Variants in ZNF335 observed in about 807,000 individuals in gnomAD.
The protein encoded by ZNF335 is NRC-interacting factor 1.
Under a neutral mutation model 145.6 loss-of-function variants are expected in ZNF335, and 84 were observed. The ratio of observed to expected loss-of-function variants is 0.58; its 90% CI spans 0.48 to 0.69. ZNF335 has a LOEUF of 0.69. Ranked by LOEUF, ZNF335 falls within the 30% of genes least tolerant of loss-of-function variation. ZNF335 has a pLI of 0.00. For synonymous variants in ZNF335, 761 were observed against 717.0 expected (o/e 1.06, Z -0.98); for missense variants, 1,865 against 1,809.7 (o/e 1.03, Z -0.55).
chr20:45,966,906 C>G (rs2145412474), intron 6 of ZNF335: 1 of 152,826 alleles, frequency 6.5e-6, no homozygotes, highest in African/African-American at 2.4e-5. Context: ...GCTCTGTTGC[C>G]CAGGCTGGAG....
chr20:45,962,249 G>A lies in ZNF335; in HGVS notation c.1534-67C>T, dbSNP rs2083857130. 6 of 1,269,944 alleles carry A rather than the reference G, an allele frequency of 4.7e-6. No individual in the cohort carries two copies. The South Asian group carries it at 7.3e-5, about 15-fold the overall frequency. The allele number at this position is 1,269,944 out of a possible 1,614,324, so 78.7% of individuals were successfully genotyped here. On this transcript the variant is annotated intron_variant, in intron 9 of 27. Coordinates refer to ENST00000322927, the MANE Select transcript of ZNF335 (RefSeq NM_022095.4). ...CCTCTCCCATCCCCGTCCCCACCAT[G>A]CCTGTGGCCACAGTCTTAGGGTTGC... is the stretch of plus-strand genomic sequence containing the variant.
In ZNF335 at chr20:45,952,397, G is replaced by A. The variant is rs199896870; in HGVS notation, c.2939C>T (p.Thr980Ile). 1.3e-6 allele frequency: 2 copies of A among 1,592,322 alleles called. No individual in the cohort carries two copies. The highest frequency in any genetic ancestry group is 1.3e-5 in the African/African-American group (1 of 74,660). Reference sequence around the variant, plus strand: ...GCTCTGGGAGTCCCCTACGCAGTGGGTCTTGGCTGGAGATGGGGGCTCAGG... The same window carrying A: ...GCTCTGGGAGTCCCCTACGCAGTGGATCTTGGCTGGAGATGGGGGCTCAGG... ...DGPEPPSPAK[T>I]HCVGDSQSSA... is the part of the protein sequence containing the mutation. The change falls in exon 20 of 28, where the codon ACC becomes ATC. Residue 980 changes from threonine to isoleucine, a missense_variant. Coordinates refer to ENST00000322927, the MANE Select transcript of ZNF335 (RefSeq NM_022095.4).
intron 20 of ZNF335, 138 bp from the exon 21 acceptor site, chr20:45,950,733 G>T: frequency 8.2e-7 from 1 of 1,220,310 alleles, no homozygotes; most frequent in Non-Finnish European, 1.1e-6. Flanking sequence ...CTAACAAGAA[G>T]CTGGGTAGAA....
In ZNF335 at chr20:45,962,065, C is replaced by T. The variant is rs149232277; in HGVS notation, c.1646+5G>A. 5 of 1,610,932 alleles carry T rather than the reference C, an allele frequency of 3.1e-6. No individual in the cohort carries two copies. The East Asian group carries it at 6.7e-5, about 22-fold the overall frequency. ...TGCCCAGGTCCCTCCCACCCCCACA[C>T]TGACCGGTCCCGGCTGTGCACAGCG... On this transcript the variant is annotated splice_donor_5th_base_variant and intron_variant, in intron 10 of 27. Coordinates refer to ENST00000322927, the MANE Select transcript of ZNF335 (RefSeq NM_022095.4).
At position 45,958,049 on chromosome 20, in the gene ZNF335, ACTTTT is replaced by A. The variant is rs557254722; in HGVS notation, c.2254-126_2254-122del. On this transcript the variant is annotated intron_variant, in intron 15 of 27. Coordinates refer to ENST00000322927, the MANE Select transcript of ZNF335 (RefSeq NM_022095.4). The stretch of plus-strand genomic sequence containing the variant: ...GTTGGCTTGTTTCATCTTCATAACC[ACTTTT>A]CTTTTTTTTTTTTTGAGATGGAGTC... The A allele has an allele frequency of 1.3e-3, 937 of 732,482 alleles. 1 individual carries two copies. The highest frequency in any genetic ancestry group is 1.8e-3 in the Non-Finnish European group (789 of 447,160). The allele number at this position is 732,482 out of a possible 1,614,324, so 45.4% of individuals were successfully genotyped here.
intron 15 of ZNF335, 47 bp downstream of exon 15, chr20:45,959,154 G>A: frequency 2.3e-6 from 3 of 1,304,376 alleles, no homozygotes; most frequent in Non-Finnish European, 3.0e-6. Flanking sequence ...GCTGGGGCTG[G>A]GAGAAGCGGC....
At chr20:45,953,620 G>T in intron 18 of ZNF335, 69 bp downstream of exon 18, 1 of 1,582,162 alleles carries the variant, frequency 6.3e-7, no homozygotes, top group Non-Finnish European at 8.6e-7. Context: ...GCTTGGGTGG[G>T]GCCCAAATCG....
Position 45,960,564 on chromosome 20 carries a change from C to A in ZNF335, c.1783-39G>T, listed in dbSNP as rs377036691. The A allele has an allele frequency of 5.0e-6, 8 of 1,613,804 alleles. No homozygotes were observed. In the African/African-American group the frequency reaches 9.3e-5, roughly 19 times the overall value. On this transcript the variant is annotated intron_variant, in intron 12 of 27. Coordinates refer to ENST00000322927, the MANE Select transcript of ZNF335 (RefSeq NM_022095.4). ...AGAGCAGTGAGATGGCGATCACCCTCCATCACCCAGGGGAGGCCCTCCTCT... is the reference window on the plus strand; with the variant it reads ...AGAGCAGTGAGATGGCGATCACCCTACATCACCCAGGGGAGGCCCTCCTCT...
At chr20:45,957,473 G>T in intron 17 of ZNF335, 113 bp downstream of exon 17, 1 of 984,834 alleles carries the variant, frequency 1.0e-6, no homozygotes, top group Non-Finnish European at 1.5e-6. Context: ...CTGCCTGGGA[G>T]CTCCCAAGGG....
chr20:45,959,630 A>G (rs1449750488), intron 14 of ZNF335, among the ~76,000 whole-genome samples, 197 bp from the exon 15 acceptor site: 1 of 152,118 alleles, frequency 6.6e-6, no homozygotes, highest in Admixed American at 6.5e-5. Context: ...TGCACTCAAG[A>G]GCCTTCCTGT....
At position 45,950,595 on chromosome 20, in the gene ZNF335, C is replaced by G; in HGVS notation, c.3190G>C (p.Ala1064Pro). The part of the protein sequence containing the change: ...FSARQWPEVR[A>P]HMAQHSSLRP... ...AGGCTTGAGTGCTGTGCCATGTGCG[C>G]CTGCAGAGAGGGCAGAGTTGGGGGC... is the stretch of plus-strand genomic sequence containing the variant. Residue 1064 changes from alanine to proline, a missense_variant and splice_region_variant, in exon 21 of 28, where the codon GCG (alanine) becomes CCG (proline). Transcript: ENST00000322927. The G allele has an allele frequency of 6.2e-7, 1 of 1,613,890 alleles. No individual in the cohort carries two copies. The highest frequency in any genetic ancestry group is 8.5e-7 in the Non-Finnish European group (1 of 1,179,954).
rs1056941741 is a variant in ZNF335 at position 45,948,919 on chromosome 20, C to T, written c.*34G>A. 8.7e-6 allele frequency: 14 copies of T among 1,613,258 alleles called. No individual in the cohort carries two copies. The highest frequency in any genetic ancestry group is 5.0e-5 in the Admixed American group (3 of 60,008). Reference sequence around the variant, plus strand: ...GCCCCCTACCCCCAGGAGAGCTGGCCGCAAATCCATGATCTGTGTTGGGCC... The same window carrying T: ...GCCCCCTACCCCCAGGAGAGCTGGCTGCAAATCCATGATCTGTGTTGGGCC... On this transcript the variant is annotated 3_prime_UTR_variant, in exon 28 of 28. Coordinates refer to ENST00000322927, the MANE Select transcript of ZNF335 (RefSeq NM_022095.4).
In ZNF335 at chr20:45,952,194, T is replaced by C. The variant is rs766996513; in HGVS notation, c.3142A>G (p.Lys1048Glu). The C allele has an allele frequency of 1.2e-6, 2 of 1,611,706 alleles. No homozygotes were observed. Among genetic ancestry groups the C allele is most frequent in the South Asian group, 1.1e-5 (1 of 91,006 alleles). The change falls in exon 20 of 28, where the codon AAG becomes GAG. Residue 1048 changes from lysine to glutamate, a missense_variant. Transcript: ENST00000322927. ...GCACTGAAGGGGCAGTCGGGGCACT[T>C]GAAGGCACCAGGCCCAGCGTGGGCC... ...KRAHAGPGAF[K>E]CPDCPFSARQ... is the part of the protein sequence containing the mutation.
intron 1 of ZNF335, 32 bp from the exon 2 acceptor site, chr20:45,971,492 G>A: frequency 6.4e-7 from 1 of 1,555,924 alleles, no homozygotes; most frequent in South Asian, 1.2e-5. Context: ...GCTGGAACAA[G>A]TGGGCCATCT....
At chr20:45,961,214 C>CA (rs1182342088) in intron 10 of ZNF335, among the ~76,000 whole-genome samples, 2 of 151,386 alleles carry the variant, frequency 1.3e-5, no homozygotes, top group Admixed American at 6.6e-5. Context: ...ATCGTCTCTA[C>CA]AAAAAAAAAT....
Position 45,963,738 on chromosome 20 carries a change from T to A in ZNF335, c.1355A>T (p.Lys452Met), listed in dbSNP as rs746676164. The A allele has an allele frequency of 6.2e-7, 1 of 1,613,996 alleles. No individual in the cohort carries two copies. Among genetic ancestry groups the A allele is most frequent in the African/African-American group, 1.3e-5 (1 of 74,920 alleles). Residue 452 changes from lysine to methionine, a missense_variant and splice_region_variant, in exon 8 of 28, where the codon AAG becomes ATG. By Grantham distance (95) the Lys-to-Met change is moderately conservative. Transcript: ENST00000322927. ...SRRFLGKKYR[K>M]YYYKSPKPLL... Reference sequence around the variant, plus strand: ...CCACCCTCACCTCTGCTCCACATACTTGCGGTATTTCTTGCCTAGGAAGCG... The same window carrying A: ...CCACCCTCACCTCTGCTCCACATACATGCGGTATTTCTTGCCTAGGAAGCG...
In ZNF335 at chr20:45,950,593, C is replaced by A. The variant is rs369592262; in HGVS notation, c.3192G>T (p.Ala1064=). ...GTAGGCTTGAGTGCTGTGCCATGTG[C>A]GCCTGCAGAGAGGGCAGAGTTGGGG... The part of the protein sequence containing the change: ...FSARQWPEVR[A]HMAQHSSLRP... Residue 1064 remains alanine (A), a splice_region_variant and synonymous_variant, in exon 21 of 28, where the codon GCG becomes GCT. Transcript: ENST00000322927. 2 of 1,613,704 alleles carry A rather than the reference C, an allele frequency of 1.2e-6. No individual in the cohort carries two copies. The highest frequency in any genetic ancestry group is 1.7e-6 in the Non-Finnish European group (2 of 1,179,944).
intron 27 of ZNF335, 22 bp from the exon 28 acceptor site, chr20:45,949,102 T>A: frequency 6.2e-7 from 1 of 1,613,610 alleles, no homozygotes; most frequent in Non-Finnish European, 8.5e-7. Flanking sequence ...GGGGAAAGTA[T>A]GGTGAGCTGG....
In ZNF335 at chr20:45,953,791, G is replaced by T; in HGVS notation, c.2600C>A (p.Pro867Gln). The T allele has an allele frequency of 6.2e-7, 1 of 1,614,182 alleles. No homozygotes were observed. The highest frequency in any genetic ancestry group is 8.5e-7 in the Non-Finnish European group (1 of 1,180,028). The part of the protein sequence containing the change: ...AESQLGPPDL[P>Q]QITLAPGPFG... ...TGGACCAGGTGCCAGGGTGATCTGC[G>T]GTAGGTCAGGAGGGCCTAGCTGGCT... Residue 867 changes from proline to glutamine, a missense_variant, in exon 18 of 28, where the codon CCG becomes CAG. Coordinates refer to ENST00000322927, the MANE Select transcript of ZNF335 (RefSeq NM_022095.4).
Sources: allele counts gnomAD v4.1 joint callset (sites outside exome capture counted in the v4.1 genomes callset), GRCh38; gene constraint gnomAD v4.1.1; transcripts MANE v1.5; gene names NCBI Gene and HGNC (gene_info 2026-07-23, HGNC 2026-07-21).